The following HPS1 variants were observed in gnomAD, a reference collection of about 807,000 sequenced individuals.
The protein encoded by HPS1 is HPS1 biogenesis of lysosomal organelles complex 3 subunit 1.
HPS1 carries 59 observed loss-of-function variants against 90.6 expected under a neutral mutation model. The observed-to-expected ratio is 0.65, with a 90% CI of 0.53 to 0.81. The LOEUF (loss-of-function observed/expected upper bound fraction) is 0.81. HPS1 is among the 30% of genes least tolerant of loss of function. HPS1 has a pLI of 0.00. For missense variants in HPS1, 849 were observed against 896.7 expected (o/e 0.95, Z 0.68); for synonymous variants, 388 against 384.4 (o/e 1.01, Z -0.11).
intron 3 of HPS1, chr10:98,442,669 C>G (rs1938650795): frequency 4.0e-6 from 1 of 251,716 alleles, no homozygotes. Flanking sequence ...CCACACCTGG[C>G]TAATTTTTGT....
At chr10:98,414,915 T>G (rs987481606), downstream of HPS1, 57 of 1,524,570 alleles carry the variant, frequency 3.7e-5, no homozygotes, top group Non-Finnish European at 4.9e-5. Context: ...GAGAGAGCAG[T>G]GGGGCTTGGC....
chr10:98,435,123 C>T lies in HPS1; in HGVS notation c.398+149G>A. 1.2e-6 allele frequency: 1 copy of T among 859,690 alleles called. No individual in the cohort carries two copies. The highest frequency in any genetic ancestry group is 2.0e-5 in the Admixed American group (1 of 49,740). The allele number at this position is 859,690 out of a possible 1,614,324, so 53.3% of individuals were successfully genotyped here. A position where few individuals can be genotyped will look rare whatever the true frequency, so the allele number is the denominator to read the frequency against. On this transcript the variant is annotated intron_variant, in intron 5 of 19. Transcript: ENST00000361490. The surrounding 1 kb of genome is among the most constrained non-coding windows in gnomAD (Gnocchi z 4.3). ...TCAGAGGGTCAGACCAGATGGTCTC[C>T]AAGGTTCACTTGAGCTGTTTCTCTG...
intron 1 of HPS1, among the ~76,000 whole-genome samples, chr10:98,446,178 T>C (rs915487076): frequency 3.3e-5 from 5 of 150,110 alleles, no homozygotes; most frequent in African/African-American, 1.0e-4. Context: ...CCACAGAGAC[T>C]GCTGTTACGA....
At chr10:98,418,103 C>T in intron 19 of HPS1, 72 bp downstream of exon 19, 1 of 1,004,856 alleles carries the variant, frequency 1.0e-6, no homozygotes. Context: ...GCAGAAGCTG[C>T]TCCCGGCAGA....
chr10:98,425,859 G>A lies in HPS1; in HGVS notation c.1114C>T (p.Leu372=). Residue 372 remains leucine (L), a synonymous_variant, in exon 12 of 20, where the codon CTG becomes TTG. Transcript: ENST00000361490. ...CPLVPHTMYC[L]PLWQGINLVL... ...AGGTTGATGCCCTGCCACAGGGGCAGGCAGTACATGGTGTGGGGCACTAGG... is the reference window on the plus strand; with the variant it reads ...AGGTTGATGCCCTGCCACAGGGGCAAGCAGTACATGGTGTGGGGCACTAGG... 4 of 1,614,136 alleles carry A rather than the reference G, an allele frequency of 2.5e-6. No individual in the cohort carries two copies. The highest frequency in any genetic ancestry group is 3.4e-6 in the Non-Finnish European group (4 of 1,180,012).
intron 3 of HPS1, among the ~76,000 whole-genome samples, chr10:98,436,775 G>A (rs769820677): frequency 1.5e-4 from 23 of 152,328 alleles, no homozygotes; most frequent in Non-Finnish European, 3.1e-4. Context: ...TATGGGGAAG[G>A]CACAGTCCTA....
rs1845514384 is a variant in HPS1 at position 98,425,711 on chromosome 10, C to T, written c.1165G>A (p.Ala389Thr). The T allele has an allele frequency of 3.7e-6, 6 of 1,609,162 alleles. No homozygotes were observed. Among genetic ancestry groups the T allele is most frequent in the South Asian group, 1.1e-5 (1 of 90,892 alleles). ...TGGGACAGAACCAGGGCCAGGGGCG[C>T]GCTGGGGCTCTGAGGGTAAGGGCCG... ...NLVLLTRSPSAPLALVLSQLM... is the reference protein window; with the variant it reads ...NLVLLTRSPSTPLALVLSQLM... Residue 389 changes from alanine (A) to threonine (T), a missense_variant, in exon 13 of 20, where the codon GCG becomes ACG. Ala to Thr is a moderately conservative substitution (Grantham distance 58). Coordinates refer to ENST00000361490, the MANE Select transcript of HPS1 (RefSeq NM_000195.5).
rs1217936047 is a variant in HPS1, at chr10:98,420,100, A to G, written c.1802T>C (p.Leu601Pro). 2 of 1,614,168 alleles carry G rather than the reference A, an allele frequency of 1.2e-6. No individual in the cohort carries two copies. Among genetic ancestry groups the G allele is most frequent in the South Asian group, 2.2e-5 (2 of 91,082 alleles). ...GCAGTAGAAATCCCCCTCCTGGAAC[A>G]GCAGCGTGGTGTAGCCCTTCTGCAG... ...RYLQKGYTTL[L>P]FQEGDFYCSY... The change falls in exon 18 of 20, where the codon CTG (leucine) becomes CCG (proline). Residue 601 changes from leucine to proline, a missense_variant. Transcript: ENST00000361490.
intron 3 of HPS1, among the ~76,000 whole-genome samples, chr10:98,441,117 A>T (rs1001605420): frequency 3.3e-5 from 5 of 152,236 alleles, no homozygotes; most frequent in Non-Finnish European, 5.9e-5. Flanking sequence ...CCCTTAGAGC[A>T]GAAAGGGACA....
Position 98,422,414 on chromosome 10 carries a change from C to T in HPS1, c.1698G>A (p.Ser566=), listed in dbSNP as rs148450315. The T allele has an allele frequency of 7.9e-3, 12,697 of 1,614,154 alleles. 84 individuals are homozygous for T. Among genetic ancestry groups the T allele is most frequent in the Non-Finnish European group, 9.7e-3 (11,429 of 1,180,006 alleles). ...APSLNCSQKT[S]SELGKGPLAA... ...CCAGCGGCCCCTTGCCCAACTCCGACGAGGTCTTTTGACTGCAGTTGAGGG... is the reference window on the plus strand; with the variant it reads ...CCAGCGGCCCCTTGCCCAACTCCGATGAGGTCTTTTGACTGCAGTTGAGGG... Residue 566 remains serine, a synonymous_variant, in exon 17 of 20, where the codon TCG becomes TCA. Transcript: ENST00000361490.
intron 11 of HPS1, among the ~76,000 whole-genome samples, chr10:98,426,754 G>GTGTGTT (rs1343276499): frequency 1.1e-5 from 1 of 92,716 alleles, no homozygotes; most frequent in African/African-American, 3.6e-5. Context: ...TAGTGTGTGT[G>GTGTGTT]TGTGTGTGTG....
intron 3 of HPS1, among the ~76,000 whole-genome samples, chr10:98,436,927 G>A (rs993743931): frequency 6.6e-5 from 10 of 152,146 alleles, no homozygotes; most frequent in Non-Finnish European, 1.3e-4. Flanking sequence ...GCCAACATTC[G>A]GGAACCAAGG....
downstream of HPS1, among the ~76,000 whole-genome samples, chr10:98,415,450 C>T (rs1265302034): frequency 1.3e-5 from 2 of 152,206 alleles, no homozygotes; most frequent in Admixed American, 6.5e-5. Flanking sequence ...GCAAAACTCC[C>T]CATTTTACAG....
rs531973532 is a variant in HPS1, at chr10:98,428,602, T to C, written c.937+971A>G. ...GGTTGGGTTAAAAGCAGCCACATAA[T>C]AAATTCCTTTCAAATCCTAGTCCCC... On this transcript the variant is annotated intron_variant, in intron 10 of 19. Coordinates refer to ENST00000361490, the MANE Select transcript of HPS1 (RefSeq NM_000195.5). 9.5e-4 allele frequency among the ~76,000 whole-genome samples: 145 copies of C among 152,132 alleles called. 1 individual carries two copies. Among genetic ancestry groups the C allele is most frequent in the Non-Finnish European group, 1.8e-3 (125 of 68,020 alleles).
downstream of HPS1, among the ~76,000 whole-genome samples, chr10:98,415,518 G>A (rs76903848): frequency 0.019 from 2,952 of 152,312 alleles, 95 homozygotes; most frequent in African/African-American, 0.066. Flanking sequence ...AGTGGAGCTC[G>A]AAAGGGCCCT....
chr10:98,425,612 G>T lies in HPS1; in HGVS notation c.1264C>A (p.Gln422Lys). The change falls in exon 13 of 20, where the codon CAG becomes AAG. Residue 422 changes from glutamine to lysine, a missense_variant. Transcript: ENST00000361490. ...GPEPGASLRS[Q>K]PLVGDLRQRM... Reference sequence around the variant, plus strand: ...TGGCGCAGGTCTCCCACGAGGGGCTGGGAGCGCAGGGAGGCCCCGGGCTCC... The same window carrying T: ...TGGCGCAGGTCTCCCACGAGGGGCTTGGAGCGCAGGGAGGCCCCGGGCTCC... 1 of 1,613,884 alleles carries T rather than the reference G, an allele frequency of 6.2e-7. No homozygotes were observed.
Position 98,427,206 on chromosome 10 carries a change from G to A in HPS1, c.987+9C>T. The A allele has an allele frequency of 6.4e-7, 1 of 1,550,822 alleles. No homozygotes were observed. The highest frequency in any genetic ancestry group is 8.7e-7 in the Non-Finnish European group (1 of 1,146,222). ...AGCTGGCGCCCAGGCAGGCACAGGA[G>A]AAACTCACCTGAAGGGCATCCATGG... On this transcript the variant is annotated intron_variant, in intron 11 of 19. Transcript: ENST00000361490.
downstream of HPS1, among the ~76,000 whole-genome samples, chr10:98,415,800 G>C (rs1844028910): frequency 6.6e-6 from 1 of 152,220 alleles, no homozygotes; most frequent in African/African-American, 2.4e-5. Context: ...TTAGGGGCAA[G>C]TTCGCTGTCT....
At chr10:98,439,114 C>A (rs534659449) in intron 3 of HPS1, among the ~76,000 whole-genome samples, 3 of 151,270 alleles carry the variant, frequency 2.0e-5, no homozygotes, top group Admixed American at 6.6e-5. Flanking sequence ...ATGGAAATGG[C>A]AGGATGTCCA....
Sources: allele counts gnomAD v4.1 joint callset (sites outside exome capture counted in the v4.1 genomes callset), GRCh38; gene constraint gnomAD v4.1.1; non-coding constraint Gnocchi (gnomAD v3.1); transcripts MANE v1.5; gene names NCBI Gene and HGNC (gene_info 2026-07-23, HGNC 2026-07-21).